Variants in SIN3B observed in about 807,000 individuals in gnomAD.
SIN3B encodes paired amphipathic helix protein Sin3b.
Under a neutral mutation model 120.2 loss-of-function variants are expected in SIN3B, and 19 were observed. The observed-to-expected ratio is 0.16, with a 90% CI of 0.11 to 0.23. SIN3B has a LOEUF of 0.23. SIN3B is among the 10% of genes least tolerant of loss of function. The pLI, the probability that SIN3B is intolerant of heterozygous loss-of-function variation, is 1.00. For missense variants in SIN3B, 1,073 were observed against 1,573.0 expected (o/e 0.68, Z 5.38); for synonymous variants, 654 against 653.2 (o/e 1.00, Z -0.02).
chr19:16,866,220 GCA>G lies in SIN3B; in HGVS notation c.1623-150_1623-149del, dbSNP rs1971770453. ...GGCCATCACGCCCTCCCTCTGACGTGCACAGAGCCCACTGCACAGACTAGGCT... is the reference window on the plus strand; with the variant it reads ...GGCCATCACGCCCTCCCTCTGACGTGCAGAGCCCACTGCACAGACTAGGCT... On this transcript the variant is annotated intron_variant, in intron 11 of 18. Transcript: ENST00000248054. Among the ~76,000 whole-genome samples, 8 of 152,284 alleles carry G rather than the reference GCA, an allele frequency of 5.3e-5. No homozygotes were observed. In the South Asian group the frequency reaches 1.7e-3, roughly 32 times the overall value.
Position 16,876,652 on chromosome 19 carries a change from G to C in SIN3B, c.2859+74G>C, listed in dbSNP as rs2051612803. The C allele has an allele frequency of 8.3e-7, 1 of 1,200,076 alleles. No homozygotes were observed. Among genetic ancestry groups the C allele is most frequent in the Non-Finnish European group, 1.2e-6 (1 of 823,098 alleles). 74.3% of individuals were successfully genotyped at this position (1,200,076 alleles called of 1,614,324 possible). ...GGGCAGCAGCATGGGGCTCCCACCAGCCAAGCGCAGGCCGCGCAGCATCCA... is the reference window on the plus strand; with the variant it reads ...GGGCAGCAGCATGGGGCTCCCACCACCCAAGCGCAGGCCGCGCAGCATCCA... On this transcript the variant is annotated intron_variant, in intron 16 of 18. Transcript: ENST00000248054. The surrounding 1 kb of genome is among the most constrained non-coding windows in gnomAD (Gnocchi z 7.1).
In SIN3B at chr19:16,869,857, C is replaced by T. The variant is rs117307745; in HGVS notation, c.2204C>T (p.Pro735Leu). The T allele has an allele frequency of 5.1e-3, 8,177 of 1,614,212 alleles. 23 individuals are homozygous for T. Among genetic ancestry groups the T allele is most frequent in the Middle Eastern group, 7.6e-3 (46 of 6,036 alleles). ...CTGCCGCCCCCAGCCCCGCACAAGC[C>T]CCTGGACGATGTCTACAGCCTATTT... ...PPLPPPAPHK[P>L]LDDVYSLFFA... Residue 735 changes from proline to leucine, a missense_variant, in exon 13 of 19, where the codon CCC (proline) becomes CTC (leucine). Pro to Leu is a moderately conservative substitution (Grantham distance 98, BLOSUM62 -3). Transcript: ENST00000248054.
intron 14 of SIN3B, among the ~76,000 whole-genome samples, chr19:16,872,303 TAAAATACCCAAGCAGA>T: frequency 6.6e-6 from 1 of 152,040 alleles, no homozygotes; most frequent in Admixed American, 6.6e-5. Context: ...TTAATGGAGC[TAAAATACCCAAGCAGA>T]AAAGTCCCCA....
At chr19:16,834,190 A>T (rs1171124366) in intron 3 of SIN3B, among the ~76,000 whole-genome samples, 3 of 152,196 alleles carry the variant, frequency 2.0e-5, no homozygotes, top group Non-Finnish European at 2.9e-5. Context: ...CGACTGCGGG[A>T]GAAAGCCAAG....
chr19:16,832,617 C>T (rs570211393), intron 3 of SIN3B, among the ~76,000 whole-genome samples: 35 of 151,916 alleles, frequency 2.3e-4, no homozygotes, highest in Non-Finnish European at 4.1e-4. Context: ...CCTCCCGTCT[C>T]AGCCTCCTAA....
rs779765069 is a variant in SIN3B at position 16,862,981 on chromosome 19, T to A, written c.1266+422T>A. On this transcript the variant is annotated intron_variant, in intron 9 of 18. Coordinates refer to ENST00000248054, the MANE Select transcript of SIN3B (RefSeq NM_001297595.2). The surrounding 1 kb of genome is among the most constrained non-coding windows in gnomAD (Gnocchi z 4.7). ...TGGATTCCAGGATATAGTGCAGGGG[T>A]CAGCAAACTCTGGCCCACGGGCCCT... is the stretch of plus-strand genomic sequence containing the variant. 1.2e-6 allele frequency: 2 copies of A among 1,610,958 alleles called. No homozygotes were observed. Among genetic ancestry groups the A allele is most frequent in the South Asian group, 2.2e-5 (2 of 90,944 alleles).
intron 17 of SIN3B, 130 bp from the exon 18 acceptor site, chr19:16,878,053 T>C (rs2051633652): frequency 6.6e-6 from 5 of 757,238 alleles, no homozygotes; most frequent in Admixed American, 2.9e-5. Context: ...GTTGCTTCCA[T>C]TTGCTTTCTG....
chr19:16,853,025 C>T lies in SIN3B; in HGVS notation c.850-44C>T, dbSNP rs367581539. ...TGTGACAGCGATGGACAGAGGCCAC[C>T]GGTGGGAGGCACAGTGTTAACTGCA... On this transcript the variant is annotated intron_variant, in intron 6 of 18. Transcript: ENST00000248054. The T allele has an allele frequency of 5.6e-5, 86 of 1,528,704 alleles. No individual in the cohort carries two copies. In the Middle Eastern group the frequency reaches 1.4e-3, roughly 24 times the overall value. 94.7% of individuals were successfully genotyped at this position (1,528,704 alleles called of 1,614,324 possible). A position where few individuals can be genotyped will look rare whatever the true frequency, so the allele number is the denominator to read the frequency against.
At chr19:16,865,192 G>A in intron 10 of SIN3B, 1 of 544,190 alleles carries the variant, frequency 1.8e-6, no homozygotes, top group African/African-American at 1.9e-5. Context: ...TACGTGGGAG[G>A]CTAAGGTGGG....
In SIN3B at chr19:16,876,519, A is replaced by G. The variant is rs1055290855; in HGVS notation, c.2800A>G (p.Met934Val). The change falls in exon 16 of 19, where the codon ATG (methionine) becomes GTG (valine). Residue 934 changes from methionine to valine, a missense_variant. Physicochemically the swap from Met to Val is conservative, Grantham distance 21. Transcript: ENST00000248054. The surrounding 1 kb of genome is among the most constrained non-coding windows in gnomAD (Gnocchi z 7.1). ...MFLQRKGQVIMTIELLDTEEA... is the reference protein window; with the variant it reads ...MFLQRKGQVIVTIELLDTEEA... The stretch of plus-strand genomic sequence containing the variant: ...CCTGCAGCGCAAAGGGCAGGTGATC[A>G]TGACCATCGAGCTCCTGGACACCGA... 1.9e-6 allele frequency: 3 copies of G among 1,613,340 alleles called. No homozygotes were observed.
chr19:16,860,758 C>A (rs1196259733), intron 8 of SIN3B, among the ~76,000 whole-genome samples: 1 of 151,992 alleles, frequency 6.6e-6, no homozygotes, highest in African/African-American at 2.4e-5. Flanking sequence ...CCCGCCACCA[C>A]GCCCAGCTAA....
chr19:16,831,520 G>A lies in SIN3B; in HGVS notation c.254G>A (p.Arg85His), dbSNP rs776160582. The A allele has an allele frequency of 2.5e-6, 4 of 1,614,056 alleles. No individual in the cohort carries two copies. Among genetic ancestry groups the A allele is most frequent in the South Asian group, 1.1e-5 (1 of 91,080 alleles). Residue 85 changes from arginine to histidine, a missense_variant, in exon 3 of 19, where the codon CGT becomes CAT. By Grantham distance (29) the Arg-to-His change is conservative (BLOSUM62 0). Transcript: ENST00000248054. ...QSIDTPGVIR[R>H]VSQLFHEHPD... ...ATCGATACTCCTGGAGTCATCAGACGTGTCTCGCAGCTCTTCCACGAGCAC... is the reference window on the plus strand; with the variant it reads ...ATCGATACTCCTGGAGTCATCAGACATGTCTCGCAGCTCTTCCACGAGCAC...
chr19:16,851,548 A>G lies in SIN3B; in HGVS notation c.849+14A>G. ...GCACCCGCCAAGGTACCTGTGAGCCACATGCAGCCATGCCTGCACGCGGGG... is the reference window on the plus strand; with the variant it reads ...GCACCCGCCAAGGTACCTGTGAGCCGCATGCAGCCATGCCTGCACGCGGGG... On this transcript the variant is annotated intron_variant, in intron 6 of 18. Transcript: ENST00000248054. 6.3e-7 allele frequency: 1 copy of G among 1,583,750 alleles called. No homozygotes were observed. Among genetic ancestry groups the G allele is most frequent in the Non-Finnish European group, 8.6e-7 (1 of 1,165,018 alleles).
rs569382551 is a variant in SIN3B at position 16,863,259 on chromosome 19, G to T, written c.1267-421G>T. The T allele has an allele frequency of 1.4e-5, 7 of 495,154 alleles. No individual in the cohort carries two copies. In the East Asian group the frequency reaches 1.8e-4, roughly 12 times the overall value. 30.7% of individuals were successfully genotyped at this position (495,154 alleles called of 1,614,324 possible). A position where few individuals can be genotyped will look rare whatever the true frequency, so the allele number is the denominator to read the frequency against. On this transcript the variant is annotated intron_variant, in intron 9 of 18. Transcript: ENST00000248054. ...TCAACTAACCATGGATTGAAAATAC[G>T]TGGGGAAAGAGAAACCAAAAAATGA...
chr19:16,876,292 C>G lies in SIN3B; in HGVS notation c.2766+64C>G. ...CCGGCCGCTCACTCCGCTCTGGACTCAGTCCTGGGTGGACCCTGGTTCAGC... is the reference window on the plus strand; with the variant it reads ...CCGGCCGCTCACTCCGCTCTGGACTGAGTCCTGGGTGGACCCTGGTTCAGC... On this transcript the variant is annotated intron_variant, in intron 15 of 18. Coordinates refer to ENST00000248054, the MANE Select transcript of SIN3B (RefSeq NM_001297595.2). This position sits in a 1 kb window ranked among gnomAD's most constrained non-coding sequence, Gnocchi z 7.1. 1.3e-6 allele frequency: 2 copies of G among 1,548,760 alleles called. No homozygotes were observed. The highest frequency in any genetic ancestry group is 1.8e-6 in the Non-Finnish European group (2 of 1,140,486).
At chr19:16,844,695 A>C (rs1300157049) in intron 4 of SIN3B, among the ~76,000 whole-genome samples, 1 of 152,232 alleles carries the variant, frequency 6.6e-6, no homozygotes, top group Non-Finnish European at 1.5e-5. Flanking sequence ...ACCTAGAAAA[A>C]GATAGGCACC....
At chr19:16,857,547 G>GTT (rs1442387905) in intron 8 of SIN3B, among the ~76,000 whole-genome samples, 1 of 144,272 alleles carries the variant, frequency 6.9e-6, no homozygotes. Flanking sequence ...GTGTGTGTGT[G>GTT]TGTGTGTATA....
chr19:16,865,666 G>A lies in SIN3B; in HGVS notation c.1622+18G>A, dbSNP rs775931591. 10 of 1,534,408 alleles carry A rather than the reference G, an allele frequency of 6.5e-6. No individual in the cohort carries two copies. The highest frequency in any genetic ancestry group is 2.3e-5 in the East Asian group (1 of 42,828). The stretch of plus-strand genomic sequence containing the variant: ...CTGAAAAGGTGCCCTGTGGCGTCCC[G>A]ACTTCCCTTCCCCTTCCCCTTCCCC... On this transcript the variant is annotated intron_variant, in intron 11 of 18. Coordinates refer to ENST00000248054, the MANE Select transcript of SIN3B (RefSeq NM_001297595.2).
rs1029764698 is a variant in SIN3B, at chr19:16,859,876, G to C, written c.1059-2476G>C. Among the ~76,000 whole-genome samples the C allele has an allele frequency of 1.3e-5, 2 of 152,256 alleles. 1 individual carries two copies. Among genetic ancestry groups the C allele is most frequent in the South Asian group, 4.2e-4 (2 of 4,818 alleles). Reference sequence around the variant, plus strand: ...GTTGGCACCTGGGTCCAGCGGGCACGTGACCACCCCGGGTTGGAATTGGGA... The same window carrying C: ...GTTGGCACCTGGGTCCAGCGGGCACCTGACCACCCCGGGTTGGAATTGGGA... On this transcript the variant is annotated intron_variant, in intron 8 of 18. Coordinates refer to ENST00000248054, the MANE Select transcript of SIN3B (RefSeq NM_001297595.2).
Sources: gnomAD v4.1 joint callset for allele counts (sites outside exome capture counted in the v4.1 genomes callset) on GRCh38, gnomAD v4.1.1 for gene constraint, Gnocchi (gnomAD v3.1) non-coding constraint, MANE v1.5 for transcripts, NCBI Gene and HGNC (gene_info 2026-07-23, HGNC 2026-07-21) for gene names.